GRM5: variants seen among roughly 807,000 people sequenced by gnomAD.
The protein encoded by GRM5 is glutamate metabotropic receptor 5, also known as metabotropic glutamate receptor 5.
GRM5 carries 19 observed loss-of-function variants against 83.1 expected under a neutral mutation model. The ratio of observed to expected loss-of-function variants is 0.23; its 90% CI spans 0.16 to 0.34. GRM5 has a LOEUF of 0.34. Ranked by LOEUF, GRM5 falls within the 10% of genes least tolerant of loss-of-function variation. The probability of loss-of-function intolerance (pLI) is 1.00; values close to 1 mark genes in which losing one functional copy is unlikely to be tolerated. For missense variants in GRM5, 1,160 were observed against 1,588.3 expected (o/e 0.73, Z 4.58); for synonymous variants, 675 against 633.6 (o/e 1.07, Z -0.98).
intron 2 of GRM5, among the ~76,000 whole-genome samples, chr11:88,956,943 C>T (rs746212966): frequency 1.3e-5 from 2 of 151,204 alleles, no homozygotes; most frequent in African/African-American, 2.5e-5. Context: ...ATTGTGAGAA[C>T]TTAGGAAGGT....
chr11:88,636,872 C>T (rs977652104), intron 4 of GRM5, among the ~76,000 whole-genome samples: 7 of 152,064 alleles, frequency 4.6e-5, no homozygotes, highest in Admixed American at 1.3e-4. Flanking sequence ...AGATATGCGG[C>T]GTTATTTCTG....
chr11:88,822,170 G>A (rs957760878), intron 3 of GRM5, among the ~76,000 whole-genome samples: 1 of 152,096 alleles, frequency 6.6e-6, no homozygotes, highest in Non-Finnish European at 1.5e-5. Flanking sequence ...TATAATATAT[G>A]TCCTCTGGAA....
At chr11:89,053,350 C>T (rs1941799153) in intron 1 of GRM5, among the ~76,000 whole-genome samples, 1 of 151,988 alleles carries the variant, frequency 6.6e-6, no homozygotes, top group Non-Finnish European at 1.5e-5. Flanking sequence ...AAAATCATGA[C>T]ATAGAAATGC....
At chr11:88,734,125 TAG>T (rs1941861705) in intron 3 of GRM5, among the ~76,000 whole-genome samples, 1 of 152,018 alleles carries the variant, frequency 6.6e-6, no homozygotes, top group African/African-American at 2.4e-5. Context: ...GTTTTTCACT[TAG>T]AGGTGGAATT....
intron 2 of GRM5, among the ~76,000 whole-genome samples, chr11:88,966,692 G>A (rs1938975898): frequency 6.6e-6 from 1 of 152,116 alleles, no homozygotes; most frequent in Admixed American, 6.6e-5. Flanking sequence ...ATAAAGGTGA[G>A]TACTCATAAC....
intron 3 of GRM5, among the ~76,000 whole-genome samples, chr11:88,718,603 T>C (rs780441842): frequency 2.0e-5 from 3 of 151,968 alleles, no homozygotes; most frequent in Non-Finnish European, 2.9e-5. Context: ...TTATTAGGCA[T>C]TGTCATCTTT....
At chr11:88,907,185 T>C (rs1945418136) in intron 2 of GRM5, among the ~76,000 whole-genome samples, 1 of 152,134 alleles carries the variant, frequency 6.6e-6, no homozygotes, top group African/African-American at 2.4e-5. Flanking sequence ...AAATTACTAC[T>C]TGTAAAGTAC....
intron 3 of GRM5, among the ~76,000 whole-genome samples, chr11:88,727,228 G>A (rs939423352): frequency 6.6e-6 from 1 of 152,100 alleles, no homozygotes; most frequent in Non-Finnish European, 1.5e-5. Context: ...GAAATCAGGG[G>A]TTGCAATCCT....
intron 2 of GRM5, among the ~76,000 whole-genome samples, chr11:88,879,693 T>C (rs1235339138): frequency 6.6e-6 from 1 of 151,990 alleles, no homozygotes; most frequent in Non-Finnish European, 1.5e-5. Flanking sequence ...AAATAATTCC[T>C]GAGTAAATAT....
At chr11:88,984,915 A>G (rs1939653454) in intron 2 of GRM5, 1 of 613,952 alleles carries the variant, frequency 1.6e-6, no homozygotes, top group Non-Finnish European at 3.0e-6. Context: ...GTTATCAATG[A>G]TATTTTTAAA....
rs796854617 is a variant in GRM5, at chr11:88,681,565, C to CTTTTTTTTTTTTTT, written c.912-28176_912-28163dup. 2.1e-3 allele frequency among the ~76,000 whole-genome samples: 53 copies of CTTTTTTTTTTTTTT among 25,410 alleles called. 10 individuals carry two copies. Among genetic ancestry groups the CTTTTTTTTTTTTTT allele is most frequent in the African/African-American group, 3.9e-3 (35 of 8,944 alleles). 16.7% of individuals were successfully genotyped at this position (25,410 alleles called of 152,430 possible). A position where few individuals can be genotyped will look rare whatever the true frequency, so the allele number is the denominator to read the frequency against. ...ATAAACTCAAGAGGTTGAGTTCTTC[C>CTTTTTTTTTTTTTT]TTTTTTTTTTTTTTTTTTTTTTTTG... On this transcript the variant is annotated intron_variant, in intron 3 of 9. Coordinates refer to ENST00000305447, the MANE Select transcript of GRM5 (RefSeq NM_001143831.3).
In GRM5 at chr11:89,047,777, C is replaced by A. The variant is rs78028403; in HGVS notation, c.96G>T (p.Pro32=). ...AGAGAGCTCCAATAATGATGTCACCCGGCATGTGAGCCACCACCCTCCTCT... is the reference window on the plus strand; with the variant it reads ...AGAGAGCTCCAATAATGATGTCACCAGGCATGTGAGCCACCACCCTCCTCT... ...SSERRVVAHM[P]GDIIIGALFS... Residue 32 remains proline, a synonymous_variant, in exon 2 of 10, where the codon CCG becomes CCT. Coordinates refer to ENST00000305447, the MANE Select transcript of GRM5 (RefSeq NM_001143831.3). This position sits in a 1 kb window ranked among gnomAD's most constrained non-coding sequence, Gnocchi z 5.1. 7 of 1,614,008 alleles carry A rather than the reference C, an allele frequency of 4.3e-6. No individual in the cohort carries two copies. The South Asian group carries it at 7.7e-5, about 18-fold the overall frequency.
At chr11:88,724,719 C>G (rs985923598) in intron 3 of GRM5, among the ~76,000 whole-genome samples, 3 of 152,106 alleles carry the variant, frequency 2.0e-5, no homozygotes, top group African/African-American at 7.2e-5. Flanking sequence ...GCTCTTCTCA[C>G]TGGGACTGGT....
At chr11:88,927,378 A>G (rs1945807882) in intron 2 of GRM5, among the ~76,000 whole-genome samples, 1 of 152,174 alleles carries the variant, frequency 6.6e-6, no homozygotes, top group Admixed American at 6.6e-5. Context: ...TTGAATTTGC[A>G]ATGTGAATGA....
chr11:88,582,950 C>G (rs1179344985), intron 7 of GRM5, among the ~76,000 whole-genome samples: 2 of 151,996 alleles, frequency 1.3e-5, no homozygotes, highest in Non-Finnish European at 2.9e-5. Flanking sequence ...GTTTTGTGGT[C>G]TTGTCCATGT....
chr11:88,509,265 C>A lies in GRM5; in HGVS notation c.2966G>T (p.Gly989Val). 4.1e-6 allele frequency: 6 copies of A among 1,472,916 alleles called. No homozygotes were observed. The highest frequency in any genetic ancestry group is 4.5e-6 in the Non-Finnish European group (5 of 1,116,776). 91.2% of individuals were successfully genotyped at this position (1,472,916 alleles called of 1,614,324 possible). A position where few individuals can be genotyped will look rare whatever the true frequency, so the allele number is the denominator to read the frequency against. ...GAGCAGAGPG[G>V]PESPDAGPKA... ...GGGGCCGGCGTCTGGGGACTCGGGCCCGCCTGGGCCGGCGCCTGCGCAGCC... is the reference window on the plus strand; with the variant it reads ...GGGGCCGGCGTCTGGGGACTCGGGCACGCCTGGGCCGGCGCCTGCGCAGCC... Residue 989 changes from glycine (G) to valine (V), a missense_variant, in exon 10 of 10, where the codon GGG becomes GTG. By Grantham distance (109) the Gly-to-Val change is moderately radical (BLOSUM62 -3). Coordinates refer to ENST00000305447, the MANE Select transcript of GRM5 (RefSeq NM_001143831.3).
chr11:88,833,094 A>G (rs748926875), intron 3 of GRM5, among the ~76,000 whole-genome samples: 1 of 152,302 alleles, frequency 6.6e-6, no homozygotes, highest in Non-Finnish European at 1.5e-5. Flanking sequence ...ACAGACAACA[A>G]AAACAAAAAT....
chr11:88,548,982 A>C (rs140657563), intron 8 of GRM5, among the ~76,000 whole-genome samples: 1 of 152,348 alleles, frequency 6.6e-6, no homozygotes, highest in East Asian at 1.9e-4. Flanking sequence ...ACAGGGGAAA[A>C]ACATGCAAAT....
intron 3 of GRM5, among the ~76,000 whole-genome samples, chr11:88,752,860 G>T (rs1942309528): frequency 6.6e-6 from 1 of 152,148 alleles, no homozygotes; most frequent in African/African-American, 2.4e-5. Context: ...ATGGTGAAAA[G>T]ATTTCTTATT....
Sources: allele counts gnomAD v4.1 joint callset (sites outside exome capture counted in the v4.1 genomes callset), GRCh38; gene constraint gnomAD v4.1.1; non-coding constraint Gnocchi (gnomAD v3.1); transcripts MANE v1.5; gene names NCBI Gene and HGNC (gene_info 2026-07-23, HGNC 2026-07-21).